The following TENM3 variants were observed in gnomAD, a reference collection of about 807,000 sequenced individuals.
TENM3 encodes teneurin-3.
A neutral mutation model predicts 255.1 loss-of-function variants in TENM3; 63 were observed. The observed-to-expected ratio is 0.25, with a 90% CI of 0.20 to 0.30. The LOEUF (loss-of-function observed/expected upper bound fraction) is 0.30. Ranked by LOEUF, TENM3 falls within the 10% of genes least tolerant of loss-of-function variation. TENM3 has a pLI of 1.00. For synonymous variants in TENM3, 1,306 were observed against 1,322.3 expected, an observed-to-expected ratio of 0.99 and a Z score of 0.27; for missense variants, 2,929 against 3,461.1, an observed-to-expected ratio of 0.85 and a Z score of 3.86.
the TENM3 span, among the ~76,000 whole-genome samples, chr4:182,101,361 AG>A: frequency 7.3e-6 from 1 of 136,300 alleles, no homozygotes; most frequent in Non-Finnish European, 1.6e-5. Flanking sequence ...AAAGGGAGGG[AG>A]GGAGGGAAGG....
chr4:182,073,786 G>A, the TENM3 span, among the ~76,000 whole-genome samples: 1 of 152,074 alleles, frequency 6.6e-6, no homozygotes, highest in African/African-American at 2.4e-5. Context: ...GAGAAATTGG[G>A]CCTTTCAGCA....
At chr4:182,153,678 A>G (rs1055113913) in intron 1 of TENM3, among the ~76,000 whole-genome samples, 11 of 152,160 alleles carry the variant, frequency 7.2e-5, no homozygotes, top group African/African-American at 2.2e-4. Context: ...ATGAGATGCC[A>G]TCAGTTAATT....
intron 1 of TENM3, among the ~76,000 whole-genome samples, chr4:182,315,140 G>A (rs939755257): frequency 1.3e-5 from 2 of 152,144 alleles, no homozygotes; most frequent in Admixed American, 6.5e-5. Context: ...ACACGGCTAC[G>A]ATGATTGCTT....
chr4:181,870,355 T>C, the TENM3 span, among the ~76,000 whole-genome samples: 1 of 152,182 alleles, frequency 6.6e-6, no homozygotes, highest in Non-Finnish European at 1.5e-5. Context: ...AGGAATAAAA[T>C]TGCTGGTTAG....
the TENM3 span, among the ~76,000 whole-genome samples, chr4:181,594,818 A>G: frequency 6.6e-6 from 1 of 152,156 alleles, no homozygotes; most frequent in Non-Finnish European, 1.5e-5. Context: ...TTCTTCCCCA[A>G]CACCCACACA....
chr4:182,388,980 T>C (rs1451984910), intron 3 of TENM3, among the ~76,000 whole-genome samples: 4 of 152,184 alleles, frequency 2.6e-5, no homozygotes, highest in Non-Finnish European at 5.9e-5. Context: ...TGTTATTAAA[T>C]CTAGTCCCTT....
chr4:182,709,864 G>A (rs551346598), intron 12 of TENM3, among the ~76,000 whole-genome samples: 3 of 152,254 alleles, frequency 2.0e-5, no homozygotes, highest in Admixed American at 6.5e-5. Flanking sequence ...CAAAACTTGT[G>A]TTAAGAGTTG....
At chr4:181,476,465 T>C in the TENM3 span, among the ~76,000 whole-genome samples, 3 of 152,266 alleles carry the variant, frequency 2.0e-5, no homozygotes, top group Admixed American at 2.0e-4. Flanking sequence ...GTGATAAATA[T>C]TTTCAATGAG....
chr4:182,580,975 G>T (rs957834325), intron 3 of TENM3, among the ~76,000 whole-genome samples: 2 of 152,118 alleles, frequency 1.3e-5, no homozygotes, highest in African/African-American at 4.8e-5. Flanking sequence ...TGATTATGGT[G>T]AATATTTTTA....
chr4:182,674,610 C>G (rs898232301), intron 7 of TENM3, among the ~76,000 whole-genome samples: 5 of 152,120 alleles, frequency 3.3e-5, no homozygotes, highest in African/African-American at 7.2e-5. Flanking sequence ...GGGTCTCACT[C>G]CGTCTTCCAG....
the TENM3 span, among the ~76,000 whole-genome samples, chr4:182,102,673 C>G: frequency 1.3e-5 from 2 of 152,120 alleles, no homozygotes; most frequent in African/African-American, 4.8e-5. Flanking sequence ...AGACAAAATA[C>G]AAAGGGAGTT....
chr4:182,427,875 C>A (rs188945964), intron 3 of TENM3, among the ~76,000 whole-genome samples: 26 of 151,806 alleles, frequency 1.7e-4, no homozygotes. Flanking sequence ...CATGTTGCAT[C>A]CATTACTCGC....
the TENM3 span, among the ~76,000 whole-genome samples, chr4:181,605,548 A>AAGAGAGAG: frequency 6.3e-5 from 2 of 31,956 alleles, no homozygotes; most frequent in African/African-American, 1.5e-4. Flanking sequence ...GAAAGAAAGA[A>AAGAGAGAG]AGAAAGAAAG....
chr4:181,810,753 T>C, the TENM3 span, among the ~76,000 whole-genome samples: 1 of 152,074 alleles, frequency 6.6e-6, no homozygotes, highest in African/African-American at 2.4e-5. Flanking sequence ...AGAAGGGACG[T>C]TACTTCCTCA....
chr4:182,329,387 A>T (rs900697828), intron 2 of TENM3, among the ~76,000 whole-genome samples: 6 of 152,194 alleles, frequency 3.9e-5, no homozygotes, highest in African/African-American at 1.4e-4. Context: ...GCCCCTCAGG[A>T]GCTGGGGAAG....
At chr4:181,614,379 G>A in the TENM3 span, among the ~76,000 whole-genome samples, 3 of 151,976 alleles carry the variant, frequency 2.0e-5, no homozygotes, top group African/African-American at 7.3e-5. Context: ...AGGATTTTGG[G>A]GGACAGTAAT....
the TENM3 span, among the ~76,000 whole-genome samples, chr4:181,539,680 T>G: frequency 6.2e-4 from 95 of 152,302 alleles, no homozygotes; most frequent in African/African-American, 2.1e-3. Flanking sequence ...ATATGTTGGA[T>G]TAATGCAGAT....
chr4:182,206,928 T>A (rs2149862416), intron 1 of TENM3, among the ~76,000 whole-genome samples: 1 of 152,298 alleles, frequency 6.6e-6, no homozygotes, highest in Admixed American at 6.5e-5. Context: ...TTATTATCTC[T>A]AAGTCCCTGC....
chr4:181,781,787 C>T, the TENM3 span, among the ~76,000 whole-genome samples: 1 of 152,130 alleles, frequency 6.6e-6, no homozygotes, highest in African/African-American at 2.4e-5. Flanking sequence ...TTTTGAGATA[C>T]ATCCCATCAA....
Sources: allele counts gnomAD v4.1 joint callset (sites outside exome capture counted in the v4.1 genomes callset), GRCh38; gene constraint gnomAD v4.1.1; transcripts MANE v1.5; gene names NCBI Gene and HGNC (gene_info 2026-07-23, HGNC 2026-07-21).